ZNF83: variants seen among roughly 807,000 people sequenced by gnomAD.
ZNF83 encodes the protein zinc finger protein 816B.
For synonymous variants in ZNF83, 209 were observed against 213.0 expected, an observed-to-expected ratio of 0.98 and a Z score of 0.17; for missense variants, 552 against 629.9, an observed-to-expected ratio of 0.88 and a Z score of 1.32.
chr19:52,655,325 A>G, intron 3 of ZNF83: 1 of 398,704 alleles, frequency 2.5e-6, no homozygotes, highest in South Asian at 3.8e-5. Context: ...GAGCAGGATG[A>G]CGTTCAATTC....
intron 3 of ZNF83, chr19:52,652,253 T>C (rs185858626): frequency 8.6e-6 from 2 of 232,712 alleles, no homozygotes; most frequent in Non-Finnish European, 8.5e-6. Flanking sequence ...CAGGCCAACA[T>C]GGTGAAACCC....
intron 2 of ZNF83, among the ~76,000 whole-genome samples, chr19:52,630,720 C>T (rs2060924967): frequency 6.6e-6 from 1 of 152,032 alleles, no homozygotes; most frequent in African/African-American, 2.4e-5. Flanking sequence ...CCGTTACCAT[C>T]CCATTAAAAC....
chr19:52,623,663 C>G (rs1174235613), intron 2 of ZNF83, among the ~76,000 whole-genome samples: 4 of 152,040 alleles, frequency 2.6e-5, no homozygotes, highest in Non-Finnish European at 4.4e-5. Flanking sequence ...CCTCTGCTCC[C>G]TCCCTGGCAA....
chr19:52,678,524 TC>T, intron 1 of ZNF83, among the ~76,000 whole-genome samples: 1 of 151,792 alleles, frequency 6.6e-6, no homozygotes, highest in African/African-American at 2.4e-5. Context: ...CAAGGGTGTC[TC>T]TTTTCCTGGT....
chr19:52,668,921 G>A (rs749120694), intron 1 of ZNF83, among the ~76,000 whole-genome samples: 3 of 152,178 alleles, frequency 2.0e-5, no homozygotes, highest in Non-Finnish European at 2.9e-5. Flanking sequence ...TCGACACCCT[G>A]TGGGTCAGCC....
chr19:52,649,147 G>C (rs619872), intron 3 of ZNF83, among the ~76,000 whole-genome samples: 80,145 of 151,736 alleles, frequency 0.53, 21,746 homozygotes, highest in East Asian at 0.71. Context: ...TGGTTTTTTT[G>C]TCTTCCTGCT....
At chr19:52,661,051 C>T (rs530989530) in intron 1 of ZNF83, among the ~76,000 whole-genome samples, 42 of 151,954 alleles carry the variant, frequency 2.8e-4, no homozygotes, top group African/African-American at 9.7e-4. Flanking sequence ...TTTTAGTAGA[C>T]ATGGGGTTTC....
chr19:52,631,800 G>A (rs2060973119), intron 2 of ZNF83, among the ~76,000 whole-genome samples: 1 of 152,156 alleles, frequency 6.6e-6, no homozygotes. Context: ...AGCAAAGGCA[G>A]GCTATGCTAT....
exon 3 of ZNF83, chr19:52,655,647 A>G (rs1600233984): frequency 8.7e-6 from 12 of 1,385,876 alleles, no homozygotes; most frequent in East Asian, 4.6e-5. Flanking sequence ...CCACTCCTCC[A>G]AAGAGAATTC....
intron 2 of ZNF83, among the ~76,000 whole-genome samples, chr19:52,619,296 C>A (rs907624216): frequency 6.6e-6 from 1 of 152,010 alleles, no homozygotes; most frequent in African/African-American, 2.4e-5. Context: ...ACAAGAAACA[C>A]TCAAATAAAT....
At chr19:52,676,590 G>C (rs2061812639) in intron 1 of ZNF83, among the ~76,000 whole-genome samples, 1 of 151,384 alleles carries the variant, frequency 6.6e-6, no homozygotes, top group African/African-American at 2.4e-5. Context: ...GAAGTGAGGA[G>C]CCCCTCTGCC....
upstream of ZNF83, among the ~76,000 whole-genome samples, chr19:52,639,418 T>TTTTC (rs1568556722): frequency 5.4e-5 from 5 of 93,138 alleles, no homozygotes; most frequent in African/African-American, 1.7e-4. Context: ...TTTTTCTATT[T>TTTTC]TTTTTTTTTT....
At chr19:52,655,592 C>T (rs1320858402) in exon 3 of ZNF83, 6 of 1,504,730 alleles carry the variant, frequency 4.0e-6, no homozygotes, top group African/African-American at 2.8e-5. Flanking sequence ...AGTTCTCCAA[C>T]ATCACGGCCC....
At chr19:52,674,761 A>G (rs1310696915) in intron 1 of ZNF83, among the ~76,000 whole-genome samples, 2 of 152,268 alleles carry the variant, frequency 1.3e-5, no homozygotes, top group Non-Finnish European at 2.9e-5. Flanking sequence ...CAAAATGATT[A>G]AAAACATAGA....
Sources: gnomAD v4.1 joint callset for allele counts (sites outside exome capture counted in the v4.1 genomes callset) on GRCh38, gnomAD v4.1.1 for gene constraint, MANE v1.5 for transcripts, NCBI Gene and HGNC (gene_info 2026-07-23, HGNC 2026-07-21) for gene names.